Variants in PDE4D observed in about 807,000 individuals in gnomAD.
PDE4D encodes 3',5'-cyclic-AMP phosphodiesterase 4D.
PDE4D carries 24 observed loss-of-function variants against 87.4 expected under a neutral mutation model. The ratio of observed to expected loss-of-function variants is 0.27; its 90% CI spans 0.20 to 0.39. The LOEUF (loss-of-function observed/expected upper bound fraction) is 0.39. Ranked by LOEUF, PDE4D falls within the 10% of genes least tolerant of loss-of-function variation. PDE4D has a pLI of 1.00. For missense variants in PDE4D, 714 were observed against 1,041.0 expected, an observed-to-expected ratio of 0.69 and a Z score of 4.32; for synonymous variants, 384 against 383.2, an observed-to-expected ratio of 1.00 and a Z score of -0.02.
intron 1 of PDE4D, among the ~76,000 whole-genome samples, chr5:59,478,832 G>C (rs1336301255): frequency 6.6e-6 from 1 of 151,980 alleles, no homozygotes; most frequent in African/African-American, 2.4e-5. Context: ...GATTTCTCCT[G>C]AGCCACATTC....
intron 5 of PDE4D, among the ~76,000 whole-genome samples, chr5:59,062,126 G>T (rs1380826390): frequency 6.6e-6 from 1 of 152,130 alleles, no homozygotes; most frequent in African/African-American, 2.4e-5. Flanking sequence ...CTGATCAGAA[G>T]AAGAAAAACA....
At chr5:59,767,620 A>G (rs778879577) in intron 1 of PDE4D, among the ~76,000 whole-genome samples, 2 of 152,224 alleles carry the variant, frequency 1.3e-5, no homozygotes, top group South Asian at 4.1e-4. Flanking sequence ...ATGTTCTAAC[A>G]ATCCAAATTC....
chr5:59,211,931 C>T (rs1750174705), intron 2 of PDE4D, among the ~76,000 whole-genome samples: 1 of 151,962 alleles, frequency 6.6e-6, no homozygotes, highest in Admixed American at 6.6e-5. Flanking sequence ...AAAGGTTTTC[C>T]AAAACAGTTC....
intron 1 of PDE4D, among the ~76,000 whole-genome samples, chr5:59,707,908 G>A (rs1753679666): frequency 6.6e-6 from 1 of 152,114 alleles, no homozygotes; most frequent in East Asian, 1.9e-4. Context: ...GAATAGTGCT[G>A]TAATGAACAT....
intron 11 of PDE4D, among the ~76,000 whole-genome samples, chr5:58,983,613 A>G (rs999852836): frequency 3.0e-4 from 46 of 152,304 alleles, no homozygotes; most frequent in African/African-American, 1.1e-3. Context: ...GTCTTGCTCC[A>G]GAGTCTGTGC....
At chr5:59,539,530 C>T (rs1263742637) in intron 1 of PDE4D, among the ~76,000 whole-genome samples, 2 of 152,106 alleles carry the variant, frequency 1.3e-5, no homozygotes, top group Non-Finnish European at 2.9e-5. Flanking sequence ...AATGAAATTA[C>T]TTCTCTACAT....
chr5:59,588,283 C>T (rs760659303), intron 1 of PDE4D, among the ~76,000 whole-genome samples: 3 of 152,004 alleles, frequency 2.0e-5, no homozygotes, highest in Non-Finnish European at 4.4e-5. Flanking sequence ...CAATAATCCC[C>T]CAAAAGCACC....
At chr5:59,817,306 C>T (rs936865934) in intron 1 of PDE4D, among the ~76,000 whole-genome samples, 1 of 152,166 alleles carries the variant, frequency 6.6e-6, no homozygotes, top group African/African-American at 2.4e-5. Context: ...ATTTATCCAA[C>T]AAATATGTAT....
intron 1 of PDE4D, among the ~76,000 whole-genome samples, chr5:59,660,688 T>C (rs978769124): frequency 3.9e-5 from 6 of 152,152 alleles, no homozygotes; most frequent in African/African-American, 1.4e-4. Flanking sequence ...CAAATTGAAC[T>C]AAAAGGCTAC....
intron 1 of PDE4D, among the ~76,000 whole-genome samples, chr5:59,631,970 C>A (rs1831635996): frequency 6.6e-6 from 1 of 152,158 alleles, no homozygotes; most frequent in Non-Finnish European, 1.5e-5. Flanking sequence ...ACTGACAGAG[C>A]CCAGCAAGCT....
intron 1 of PDE4D, among the ~76,000 whole-genome samples, chr5:60,467,734 T>C (rs933472598): frequency 2.6e-5 from 4 of 152,158 alleles, no homozygotes; most frequent in African/African-American, 9.7e-5. Context: ...ACAGGAAGCA[T>C]GACTTGGGGG....
chr5:60,124,018 A>G (rs1778918972), intron 2 of PDE4D, among the ~76,000 whole-genome samples: 1 of 152,194 alleles, frequency 6.6e-6, no homozygotes, highest in African/African-American at 2.4e-5. Flanking sequence ...CCATGGTGGT[A>G]CAATATATTT....
At chr5:60,341,425 G>A (rs1000895749) in intron 1 of PDE4D, among the ~76,000 whole-genome samples, 3 of 152,164 alleles carry the variant, frequency 2.0e-5, no homozygotes, top group Non-Finnish European at 4.4e-5. Flanking sequence ...GCACCTTTGT[G>A]TAGAGCCTGA....
At position 60,305,038 on chromosome 5, in the gene PDE4D, T is replaced by TATACACACAC. The variant is rs1554202216; in HGVS notation, c.-89-119352_-89-119351insGTGTGTGTAT. Among the ~76,000 whole-genome samples the TATACACACAC allele has an allele frequency of 9.2e-3, 1,248 of 135,920 alleles. 23 individuals are homozygous for TATACACACAC. The highest frequency in any genetic ancestry group is 0.03 in the African/African-American group (1,184 of 39,128). 89.2% of individuals were successfully genotyped at this position (135,920 alleles called of 152,430 possible). The stretch of plus-strand genomic sequence containing the variant: ...CTCTAGTTATTTTAGTTTTGAGCTA[T>TATACACACAC]ACACACACACACACACACACACACA... On this transcript the variant is annotated intron_variant, in intron 1 of 16. Transcript: ENST00000502484.
chr5:60,388,176 A>G (rs1354338855), intron 1 of PDE4D, among the ~76,000 whole-genome samples: 2 of 151,994 alleles, frequency 1.3e-5, no homozygotes, highest in South Asian at 2.1e-4. Flanking sequence ...CCCAAACCCA[A>G]TCCTCTTGGG....
chr5:59,639,888 T>C (rs1388947567), intron 1 of PDE4D, among the ~76,000 whole-genome samples: 1 of 151,256 alleles, frequency 6.6e-6, no homozygotes, highest in Non-Finnish European at 1.5e-5. Context: ...GAAGTTTCTT[T>C]GGTTGTTGTC....
chr5:60,271,481 A>G (rs1314173195), intron 1 of PDE4D, among the ~76,000 whole-genome samples: 1 of 152,146 alleles, frequency 6.6e-6, no homozygotes, highest in Non-Finnish European at 1.5e-5. Flanking sequence ...TAATCCTATA[A>G]TTTCACCTTC....
At chr5:59,873,314 G>A (rs1748098585) in intron 1 of PDE4D, among the ~76,000 whole-genome samples, 1 of 152,186 alleles carries the variant, frequency 6.6e-6, no homozygotes, top group Non-Finnish European at 1.5e-5. Context: ...AAGCAATCTG[G>A]TAGTCACATG....
At chr5:59,106,122 C>T (rs942230341) in intron 5 of PDE4D, among the ~76,000 whole-genome samples, 1 of 152,090 alleles carries the variant, frequency 6.6e-6, no homozygotes, top group Non-Finnish European at 1.5e-5. Flanking sequence ...CTGGATCATC[C>T]ACCCAGAAAA....
Sources: gnomAD v4.1 joint callset for allele counts (sites outside exome capture counted in the v4.1 genomes callset) on GRCh38, gnomAD v4.1.1 for gene constraint, MANE v1.5 for transcripts, NCBI Gene and HGNC (gene_info 2026-07-23, HGNC 2026-07-21) for gene names.